The following COL4A4 variants were observed in gnomAD, a reference collection of about 807,000 sequenced individuals.
The protein encoded by COL4A4 is collagen type IV alpha 4 chain, also known as collagen alpha-4(IV) chain.
COL4A4 carries 105 observed loss-of-function variants against 192.9 expected under a neutral mutation model. The observed-to-expected ratio is 0.54, with a 90% CI of 0.46 to 0.64. COL4A4 has a LOEUF of 0.64. COL4A4 is among the 30% of genes least tolerant of loss of function. The probability of loss-of-function intolerance (pLI) is 0.00; values close to 1 mark genes in which losing one functional copy is unlikely to be tolerated. For missense variants in COL4A4, 1,967 were observed against 2,169.3 expected (o/e 0.91, Z 1.85); for synonymous variants, 762 against 769.9 (o/e 0.99, Z 0.17).
intron 22 of COL4A4, among the ~76,000 whole-genome samples, chr2:227,086,531 A>G (rs2059610896): frequency 1.3e-5 from 2 of 151,386 alleles, no homozygotes; most frequent in South Asian, 4.2e-4. Flanking sequence ...CCTGACTATG[A>G]CCACAATGTA....
chr2:227,056,562 C>A (rs182575288), intron 29 of COL4A4, among the ~76,000 whole-genome samples: 55 of 152,008 alleles, frequency 3.6e-4, no homozygotes, highest in Middle Eastern at 6.8e-3. Flanking sequence ...TTTTCAAGTG[C>A]GTATATTACT....
chr2:227,029,281 G>A (rs1191336196), intron 41 of COL4A4, among the ~76,000 whole-genome samples: 1 of 152,220 alleles, frequency 6.6e-6, no homozygotes, highest in Non-Finnish European at 1.5e-5. Flanking sequence ...AGGAGGAGGA[G>A]TGTTAGCCAG....
intron 28 of COL4A4, among the ~76,000 whole-genome samples, chr2:227,057,884 C>G (rs1376144538): frequency 6.6e-6 from 1 of 152,212 alleles, no homozygotes; most frequent in Admixed American, 6.5e-5. Context: ...TAATTAACCT[C>G]TAACTTTGCA....
At chr2:227,044,587 T>G (rs1168558490) in intron 35 of COL4A4, among the ~76,000 whole-genome samples, 2 of 151,314 alleles carry the variant, frequency 1.3e-5, no homozygotes, top group Non-Finnish European at 2.9e-5. Context: ...GTAGCATTAT[T>G]CTCATCTACA....
chr2:227,141,831 G>A lies in COL4A4; in HGVS notation c.115-1593C>T, dbSNP rs187593986. Among the ~76,000 whole-genome samples, 25 of 151,866 alleles carry A rather than the reference G, an allele frequency of 1.6e-4. No homozygotes were observed. The East Asian group carries it at 4.5e-3, about 27-fold the overall frequency. On this transcript the variant is annotated intron_variant, in intron 3 of 47. Transcript: ENST00000396625. ...AGGTTAAAAAAAAAATTAAATGCCC[G>A]GGCCCAGGTCGGGACAGCATGAAAG... is the stretch of plus-strand genomic sequence containing the variant.
At chr2:227,077,289 C>A (rs1357420161) in intron 25 of COL4A4, among the ~76,000 whole-genome samples, 2 of 152,112 alleles carry the variant, frequency 1.3e-5, no homozygotes, top group Non-Finnish European at 2.9e-5. Context: ...CATATATACA[C>A]CATGGTATAC....
At chr2:227,156,978 T>C (rs775957605) in intron 1 of COL4A4, among the ~76,000 whole-genome samples, 1 of 152,192 alleles carries the variant, frequency 6.6e-6, no homozygotes, top group Admixed American at 6.5e-5. Context: ...CTATCAACCA[T>C]CTTTACTTAA....
At chr2:227,134,845 C>T (rs1398828311) in intron 4 of COL4A4, among the ~76,000 whole-genome samples, 1 of 152,194 alleles carries the variant, frequency 6.6e-6, no homozygotes, top group Admixed American at 6.5e-5. Context: ...AAAACCACCA[C>T]ATCATAAGGT....
chr2:227,080,285 A>G (rs527864238), intron 24 of COL4A4, among the ~76,000 whole-genome samples, 158 bp downstream of exon 24: 1 of 152,304 alleles, frequency 6.6e-6, no homozygotes, highest in African/African-American at 2.4e-5. Context: ...CTCTTAAAAC[A>G]ATCATCTTTC....
chr2:227,012,756 C>T (rs74865846), intron 44 of COL4A4, among the ~76,000 whole-genome samples: 83 of 151,984 alleles, frequency 5.5e-4, no homozygotes, highest in African/African-American at 1.9e-3. Flanking sequence ...TTTGGGGTCA[C>T]GTTAAATCTG....
At chr2:227,157,524 C>T (rs1296018927) in intron 1 of COL4A4, among the ~76,000 whole-genome samples, 1 of 151,798 alleles carries the variant, frequency 6.6e-6, no homozygotes, top group African/African-American at 2.4e-5. Flanking sequence ...GTTCTGTATA[C>T]AACTGATAAA....
Position 227,103,276 on chromosome 2 carries a change from C to G in COL4A4, c.817-79G>C, listed in dbSNP as rs545279593. On this transcript the variant is annotated intron_variant, in intron 13 of 47. Transcript: ENST00000396625. The stretch of plus-strand genomic sequence containing the variant: ...ATTCCATCTCCTTCAGAAATCATCT[C>G]TTTTTACAATCTGTTTCACCTTAAA... The G allele has an allele frequency of 8.7e-6, 10 of 1,144,034 alleles. No homozygotes were observed. In the South Asian group the frequency reaches 1.3e-4, roughly 15 times the overall value. The allele number at this position is 1,144,034 out of a possible 1,614,324, so 70.9% of individuals were successfully genotyped here.
chr2:227,145,214 G>A (rs968614819), intron 2 of COL4A4, among the ~76,000 whole-genome samples: 7 of 152,150 alleles, frequency 4.6e-5, no homozygotes, highest in African/African-American at 1.4e-4. Flanking sequence ...TTAGGAGGCC[G>A]AGGTGGGCGG....
intron 3 of COL4A4, among the ~76,000 whole-genome samples, chr2:227,141,311 G>A (rs2063192791): frequency 6.6e-6 from 1 of 152,140 alleles, no homozygotes; most frequent in Non-Finnish European, 1.5e-5. Flanking sequence ...TAAACTTAAG[G>A]CTGTAAACTC....
At chr2:227,049,999 T>C in intron 34 of COL4A4, 69 bp downstream of exon 34, 1 of 1,460,182 alleles carries the variant, frequency 6.8e-7, no homozygotes, top group Non-Finnish European at 9.6e-7. Context: ...TAAAAGGCAC[T>C]TGTTTACAAT....
intron 25 of COL4A4, among the ~76,000 whole-genome samples, chr2:227,075,744 C>T (rs1189161852): frequency 6.6e-6 from 1 of 152,110 alleles, no homozygotes; most frequent in African/African-American, 2.4e-5. Context: ...AAAATCCCAT[C>T]GTCTCAGCCC....
At position 227,002,853 on chromosome 2, in the gene COL4A4, T is replaced by G. The variant is rs1043714663; in HGVS notation, c.*4472A>C. ...AAGTCTTTAACTTTACAACCAGAGG[T>G]TAGAGAAAGGGATGCAATTTATTAG... On this transcript the variant is annotated 3_prime_UTR_variant, in exon 48 of 48. Coordinates refer to ENST00000396625, the MANE Select transcript of COL4A4 (RefSeq NM_000092.5). 2 of 152,532 alleles carry G rather than the reference T, an allele frequency of 1.3e-5. No individual in the cohort carries two copies. Among genetic ancestry groups the G allele is most frequent in the African/African-American group, 4.8e-5 (2 of 41,414 alleles). The allele number at this position is 152,532 out of a possible 1,614,324, so 9.4% of individuals were successfully genotyped here.
In COL4A4 at chr2:227,132,367, G is replaced by A. The variant is rs144865088; in HGVS notation, c.192+7794C>T. 4.1e-3 allele frequency among the ~76,000 whole-genome samples: 618 copies of A among 152,290 alleles called. 1 individual carries two copies. Among genetic ancestry groups the A allele is most frequent in the Middle Eastern group, 0.014 (4 of 294 alleles). Reference sequence around the variant, plus strand: ...AGGCTGCAGGGACTTTCTTCTTTACGACTGAGGCCTCCATGGCCTGGTTGG... The same window carrying A: ...AGGCTGCAGGGACTTTCTTCTTTACAACTGAGGCCTCCATGGCCTGGTTGG... On this transcript the variant is annotated intron_variant, in intron 4 of 47. Transcript: ENST00000396625.
At chr2:227,083,399 C>A (rs1244469883) in intron 22 of COL4A4, among the ~76,000 whole-genome samples, 2 of 152,210 alleles carry the variant, frequency 1.3e-5, no homozygotes, top group South Asian at 2.1e-4. Flanking sequence ...CTGAGCAAGC[C>A]AGTTGCTTTG....
Sources: gnomAD v4.1 joint callset for allele counts (sites outside exome capture counted in the v4.1 genomes callset) on GRCh38, gnomAD v4.1.1 for gene constraint, MANE v1.5 for transcripts, NCBI Gene and HGNC (gene_info 2026-07-23, HGNC 2026-07-21) for gene names.